The following PRKDC variants were observed in gnomAD, a reference collection of about 807,000 sequenced individuals.
PRKDC encodes protein kinase, DNA-activated, catalytic subunit, also known as DNA-dependent protein kinase catalytic subunit.
A neutral mutation model predicts 486.9 loss-of-function variants in PRKDC; 82 were observed. The observed-to-expected ratio is 0.17, with a 90% CI of 0.14 to 0.20. The LOEUF (loss-of-function observed/expected upper bound fraction) is 0.20, where lower values mean the gene tolerates loss of function less well. Among genes scored for constraint, PRKDC ranks in the 10% least tolerant of loss-of-function variants. PRKDC has a pLI of 1.00. For missense variants in PRKDC, 4,504 were observed against 5,038.2 expected, an observed-to-expected ratio of 0.89 and a Z score of 3.21; for synonymous variants, 1,895 against 1,837.0, an observed-to-expected ratio of 1.03 and a Z score of -0.81.
chr8:47,947,103 T>C (rs566082883), intron 7 of PRKDC, among the ~76,000 whole-genome samples: 40 of 152,316 alleles, frequency 2.6e-4, no homozygotes, highest in African/African-American at 9.1e-4. Flanking sequence ...CCAGCTCTTG[T>C]GGACCCTCGG....
At chr8:47,884,000 G>A (rs1021906631) in intron 36 of PRKDC, among the ~76,000 whole-genome samples, 7 of 152,248 alleles carry the variant, frequency 4.6e-5, no homozygotes, top group African/African-American at 1.7e-4. Flanking sequence ...CTTAGGGCTT[G>A]TCAGGATATT....
chr8:47,775,616 C>G (rs2086594613), intron 85 of PRKDC, among the ~76,000 whole-genome samples: 1 of 151,632 alleles, frequency 6.6e-6, no homozygotes, highest in African/African-American at 2.4e-5. Context: ...GATACAAGTC[C>G]CATATCAGAT....
At chr8:47,862,637 C>T in intron 42 of PRKDC, 96 bp from the exon 43 acceptor site, 1 of 1,252,872 alleles carries the variant, frequency 8.0e-7, no homozygotes, top group South Asian at 1.6e-5. Context: ...TGCCATTCAG[C>T]CTTTCTCGAG....
At chr8:47,861,049 G>C in intron 44 of PRKDC, 78 bp from the exon 45 acceptor site, 1 of 948,066 alleles carries the variant, frequency 1.1e-6, no homozygotes, top group Non-Finnish European at 1.5e-6. Context: ...TAGCAATCTG[G>C]CAAAAAAAAA....
intron 30 of PRKDC, among the ~76,000 whole-genome samples, chr8:47,896,695 CACA>C (rs1383691076): frequency 6.6e-6 from 1 of 151,726 alleles, no homozygotes; most frequent in African/African-American, 2.4e-5. Context: ...AAGGAACCAG[CACA>C]CCCATCTAAC....
chr8:47,818,569 A>G (rs1489036547), intron 67 of PRKDC, among the ~76,000 whole-genome samples: 1 of 128,104 alleles, frequency 7.8e-6, no homozygotes, highest in Non-Finnish European at 1.6e-5. Flanking sequence ...ACAGAGTGAG[A>G]CTCCGTCTCA....
chr8:47,927,707 T>C (rs1330283560), intron 20 of PRKDC, 64 bp downstream of exon 20: 2 of 1,422,848 alleles, frequency 1.4e-6, no homozygotes, highest in Middle Eastern at 1.8e-4. Flanking sequence ...GAGGATGGTG[T>C]TTCTATGTGC....
At chr8:47,946,818 G>A (rs762888785) in intron 7 of PRKDC, among the ~76,000 whole-genome samples, 2 of 152,046 alleles carry the variant, frequency 1.3e-5, no homozygotes, top group African/African-American at 4.8e-5. Flanking sequence ...AAAAAACCCG[G>A]TCTCTCCCAT....
intron 61 of PRKDC, among the ~76,000 whole-genome samples, 169 bp from the exon 62 acceptor site, chr8:47,828,516 T>C (rs2087789904): frequency 6.6e-6 from 1 of 152,216 alleles, no homozygotes; most frequent in Admixed American, 6.5e-5. Context: ...CATTTGGAAT[T>C]TAACCAAATG....
chr8:47,904,600 T>C (rs928986451), intron 26 of PRKDC, among the ~76,000 whole-genome samples: 2 of 152,204 alleles, frequency 1.3e-5, no homozygotes, highest in African/African-American at 4.8e-5. Context: ...AAGACCAGCC[T>C]GGCCAACAAA....
chr8:47,867,488 G>T (rs555132494), intron 40 of PRKDC, among the ~76,000 whole-genome samples: 7 of 152,138 alleles, frequency 4.6e-5, no homozygotes. Context: ...ATCCTTAGAT[G>T]GCATGTACTA....
intron 21 of PRKDC, among the ~76,000 whole-genome samples, chr8:47,923,068 T>TC: frequency 6.8e-6 from 1 of 146,408 alleles, no homozygotes; most frequent in South Asian, 2.1e-4. Flanking sequence ...AAGTCATTCT[T>TC]TTTTTTTTTT....
intron 62 of PRKDC, 141 bp from the exon 63 acceptor site, chr8:47,827,002 T>A: frequency 1.3e-6 from 1 of 768,332 alleles, no homozygotes; most frequent in Non-Finnish European, 2.0e-6. Flanking sequence ...GTAATGCTAT[T>A]AACACATTTT....
At position 47,789,099 on chromosome 8, in the gene PRKDC, A is replaced by C. The variant is rs777871922; in HGVS notation, c.10759-50T>G. The C allele has an allele frequency of 1.3e-5, 21 of 1,612,578 alleles. No homozygotes were observed. The Admixed American group carries it at 3.5e-4, about 27-fold the overall frequency. On this transcript the variant is annotated intron_variant, in intron 75 of 85. Coordinates refer to ENST00000314191, the MANE Select transcript of PRKDC (RefSeq NM_006904.7). Reference sequence around the variant, plus strand: ...AAAAAAATCAAGCTAGATTGCAATTAAGTTTTACCCAACTTATATGTTTTA... The same window carrying C: ...AAAAAAATCAAGCTAGATTGCAATTCAGTTTTACCCAACTTATATGTTTTA...
At chr8:47,805,898 G>C (rs2087206383) in intron 69 of PRKDC, among the ~76,000 whole-genome samples, 1 of 152,072 alleles carries the variant, frequency 6.6e-6, no homozygotes, top group South Asian at 2.1e-4. Flanking sequence ...CCCTAGTGTG[G>C]AGCTTCCTGG....
chr8:47,817,027 A>G (rs2087462314), intron 68 of PRKDC, among the ~76,000 whole-genome samples: 2 of 152,242 alleles, frequency 1.3e-5, no homozygotes, highest in African/African-American at 4.8e-5. Context: ...GACCTGGGAA[A>G]GTGACACATG....
At chr8:47,915,633 AG>A (rs1200963169) in intron 22 of PRKDC, among the ~76,000 whole-genome samples, 6 of 152,248 alleles carry the variant, frequency 3.9e-5, no homozygotes, top group Non-Finnish European at 8.8e-5. Context: ...TAATGACATT[AG>A]AAATTGAAAC....
chr8:47,773,551 C>T lies in PRKDC; in HGVS notation c.*622G>A, dbSNP rs1265254961. The T allele has an allele frequency of 1.4e-5, 3 of 220,184 alleles. No homozygotes were observed. The highest frequency in any genetic ancestry group is 2.7e-5 in the Non-Finnish European group (3 of 110,078). 13.6% of individuals were successfully genotyped at this position (220,184 alleles called of 1,614,324 possible). ...TTGCCCTCCTAAATAAAGACGTTTC[C>T]TTCTAGAGAGCAAATCTATCATAAA... On this transcript the variant is annotated 3_prime_UTR_variant, in exon 86 of 86. Transcript: ENST00000314191.
intron 23 of PRKDC, among the ~76,000 whole-genome samples, chr8:47,915,063 GAA>G (rs967945373): frequency 6.6e-6 from 1 of 152,136 alleles, no homozygotes; most frequent in Non-Finnish European, 1.5e-5. Flanking sequence ...CACTAATATG[GAA>G]AAGAGTATCA....
Sources: allele counts gnomAD v4.1 joint callset (sites outside exome capture counted in the v4.1 genomes callset), GRCh38; gene constraint gnomAD v4.1.1; transcripts MANE v1.5; gene names NCBI Gene and HGNC (gene_info 2026-07-23, HGNC 2026-07-21).